KBTBD3: variants seen among roughly 807,000 people sequenced by gnomAD.
KBTBD3 encodes kelch repeat and BTB domain-containing protein 3.
A neutral mutation model predicts 49.6 loss-of-function variants in KBTBD3; 38 were observed. The observed-to-expected ratio is 0.77, with a 90% CI of 0.59 to 1.00. The LOEUF is 1.00. Ranked by LOEUF, KBTBD3 falls within the 50% of genes least tolerant of loss-of-function variation. The probability of loss-of-function intolerance (pLI) is 0.00; values close to 1 mark genes in which losing one functional copy is unlikely to be tolerated. For missense variants in KBTBD3, 661 were observed against 712.0 expected, an observed-to-expected ratio of 0.93 and a Z score of 0.81; for synonymous variants, 214 against 250.4, an observed-to-expected ratio of 0.85 and a Z score of 1.37.
chr11:106,062,386 T>C (rs915020643), intron 2 of KBTBD3, among the ~76,000 whole-genome samples: 1 of 152,114 alleles, frequency 6.6e-6, no homozygotes, highest in Non-Finnish European at 1.5e-5. Flanking sequence ...AGTCCCAAGA[T>C]CTACAACTAG....
At chr11:106,072,683 C>T (rs1860943247) in intron 2 of KBTBD3, among the ~76,000 whole-genome samples, 1 of 152,086 alleles carries the variant, frequency 6.6e-6, no homozygotes, top group Non-Finnish European at 1.5e-5. Flanking sequence ...AAAAGCAGAA[C>T]GTTAAACTAA....
chr11:106,052,160 G>C lies in KBTBD3; in HGVS notation c.*690C>G, dbSNP rs182746772. The C allele has an allele frequency of 1.3e-5, 2 of 151,640 alleles. No homozygotes were observed. Among genetic ancestry groups the C allele is most frequent in the East Asian group, 3.9e-4 (2 of 5,134 alleles). The allele number at this position is 151,640 out of a possible 1,614,324, so 9.4% of individuals were successfully genotyped here. ...ATGTTAATTTACTAAGATTGAACCA[G>C]AAAATGAGAGGGGGGGAGGAGAGAG... On this transcript the variant is annotated 3_prime_UTR_variant, in exon 4 of 4. Coordinates refer to ENST00000531837, the MANE Select transcript of KBTBD3 (RefSeq NM_198439.3).
intron 2 of KBTBD3, among the ~76,000 whole-genome samples, chr11:106,061,746 G>T (rs1243782858): frequency 2.0e-5 from 3 of 151,726 alleles, no homozygotes; most frequent in African/African-American, 4.8e-5. Context: ...ATAATCACAT[G>T]AGCTAATTCC....
Position 106,053,304 on chromosome 11 carries a change from T to G in KBTBD3, c.1385A>C (p.Glu462Ala). The G allele has an allele frequency of 1.2e-6, 2 of 1,613,516 alleles. No homozygotes were observed. The highest frequency in any genetic ancestry group is 1.7e-6 in the Non-Finnish European group (2 of 1,179,788). The change falls in exon 4 of 4, where the codon GAG becomes GCG. Residue 462 changes from glutamate to alanine, a missense_variant. Transcript: ENST00000531837. ...GTTAAAAGCATCTGTAATCTCTACCTCTGATCCAAGAACATAAATTACATT... is the reference window on the plus strand; with the variant it reads ...GTTAAAAGCATCTGTAATCTCTACCGCTGATCCAAGAACATAAATTACATT... The part of the protein sequence containing the change: ...CQNVIYVLGS[E>A]VEITDAFNPS...
At chr11:106,065,859 G>T (rs978937453) in intron 2 of KBTBD3, among the ~76,000 whole-genome samples, 3 of 151,386 alleles carry the variant, frequency 2.0e-5, no homozygotes, top group African/African-American at 7.3e-5. Flanking sequence ...TACTCAGGAG[G>T]CTCAGGCAGG....
At chr11:106,075,847 A>G (rs1157822606) in intron 2 of KBTBD3, among the ~76,000 whole-genome samples, 5 of 152,216 alleles carry the variant, frequency 3.3e-5, no homozygotes, top group Admixed American at 1.3e-4. Context: ...TAGACCAAGT[A>G]CAAATAATCC....
intron 2 of KBTBD3, among the ~76,000 whole-genome samples, chr11:106,060,032 G>C (rs187321842): frequency 1.8e-4 from 28 of 152,324 alleles, no homozygotes; most frequent in African/African-American, 6.7e-4. Context: ...GCAAATGGCA[G>C]CTGTGGCTGA....
In KBTBD3 at chr11:106,052,245, G is replaced by T. The variant is rs1036942109; in HGVS notation, c.*605C>A. The T allele has an allele frequency of 6.6e-6, 1 of 151,544 alleles. No homozygotes were observed. The highest frequency in any genetic ancestry group is 1.5e-5 in the Non-Finnish European group (1 of 67,814). 9.4% of individuals were successfully genotyped at this position (151,544 alleles called of 1,614,324 possible). ...TGAAAACTAATCAGCAATTTTTAAA[G>T]CATTTAAGTAACTGCTAATGGCATT... On this transcript the variant is annotated 3_prime_UTR_variant, in exon 4 of 4. Transcript: ENST00000531837.
chr11:106,056,060 G>T (rs1591533651), intron 3 of KBTBD3, among the ~76,000 whole-genome samples: 1 of 151,976 alleles, frequency 6.6e-6, no homozygotes, highest in Non-Finnish European at 1.5e-5. Flanking sequence ...AATAATTTTT[G>T]TTTTCCAAAA....
chr11:106,077,204 A>T (rs4440991), intron 1 of KBTBD3, 108 bp downstream of exon 1: 100,303 of 159,224 alleles, frequency 0.63, 35,952 homozygotes, highest in Non-Finnish European at 0.79. Context: ...TACACGAAGC[A>T]GCTGAAGCCA....
intron 2 of KBTBD3, among the ~76,000 whole-genome samples, chr11:106,065,297 C>T (rs1329233258): frequency 1.3e-5 from 2 of 152,182 alleles, no homozygotes; most frequent in South Asian, 2.1e-4. Flanking sequence ...TGAGCCACCG[C>T]GCCCGGCCTG....
chr11:106,056,001 T>C (rs1860545687), intron 3 of KBTBD3, among the ~76,000 whole-genome samples: 1 of 152,198 alleles, frequency 6.6e-6, no homozygotes, highest in Non-Finnish European at 1.5e-5. Context: ...GTATAAAACA[T>C]GTGTGATTCC....
At chr11:106,068,431 A>G (rs1860852654) in intron 2 of KBTBD3, among the ~76,000 whole-genome samples, 2 of 152,318 alleles carry the variant, frequency 1.3e-5, no homozygotes, top group South Asian at 4.1e-4. Flanking sequence ...GTAATTTAAA[A>G]CATACATTGA....
In KBTBD3 at chr11:106,053,717, C is replaced by T; in HGVS notation, c.972G>A (p.Leu324=). 1 of 1,613,546 alleles carries T rather than the reference C, an allele frequency of 6.2e-7. No homozygotes were observed. Among genetic ancestry groups the T allele is most frequent in the Non-Finnish European group, 8.5e-7 (1 of 1,179,860 alleles). Residue 324 remains leucine, a synonymous_variant, in exon 4 of 4, where the codon CTG becomes CTA. Coordinates refer to ENST00000531837, the MANE Select transcript of KBTBD3 (RefSeq NM_198439.3). Reference sequence around the variant, plus strand: ...GCAAATCAATCAGGTGTGATTGCGGCAGTATTTTCCATGAATCAGATTTAA... The same window carrying T: ...GCAAATCAATCAGGTGTGATTGCGGTAGTATTTTCCATGAATCAGATTTAA... ...YNIKSDSWKI[L]PQSHLIDLPG...
rs1053859157 is a variant in KBTBD3, at chr11:106,052,659, T to C, written c.*191A>G. 3 of 512,630 alleles carry C rather than the reference T, an allele frequency of 5.9e-6. No homozygotes were observed. Among genetic ancestry groups the C allele is most frequent in the African/African-American group, 3.9e-5 (2 of 51,702 alleles). 31.8% of individuals were successfully genotyped at this position (512,630 alleles called of 1,614,324 possible). On this transcript the variant is annotated 3_prime_UTR_variant, in exon 4 of 4. Transcript: ENST00000531837. Reference sequence around the variant, plus strand: ...TGGATTCCCCAAGGTTAAATTATATTCAGTATAATTTTTGGTAAAATATAT... The same window carrying C: ...TGGATTCCCCAAGGTTAAATTATATCCAGTATAATTTTTGGTAAAATATAT...
chr11:106,063,317 C>G (rs1860740596), intron 2 of KBTBD3, among the ~76,000 whole-genome samples: 1 of 152,238 alleles, frequency 6.6e-6, no homozygotes, highest in Non-Finnish European at 1.5e-5. Flanking sequence ...TACTTTGTTT[C>G]CATGTTCAAC....
chr11:106,062,325 G>A (rs1860718350), intron 2 of KBTBD3, among the ~76,000 whole-genome samples: 1 of 152,130 alleles, frequency 6.6e-6, no homozygotes. Context: ...AAGAGAGAGA[G>A]ACAGTGAAAG....
rs770761503 is a variant in KBTBD3 at position 106,053,533 on chromosome 11, C to T, written c.1156G>A (p.Val386Ile). The change falls in exon 4 of 4, where the codon GTA (valine) becomes ATA (isoleucine). Residue 386 changes from valine to isoleucine, a missense_variant. By Grantham distance (29) the Val-to-Ile change is conservative. Coordinates refer to ENST00000531837, the MANE Select transcript of KBTBD3 (RefSeq NM_198439.3). Reference protein sequence around the residue: ...YCPVKNDFFLVSTMKTPRTMH... With the variant: ...YCPVKNDFFLISTMKTPRTMH... ...GTTCTTGGTGTTTTCATAGTTGATA[C>T]CAAGAAGAAATCATTTTTCACTGGA... 61 of 1,613,552 alleles carry T rather than the reference C, an allele frequency of 3.8e-5. No individual in the cohort carries two copies. The highest frequency in any genetic ancestry group is 3.3e-4 in the Middle Eastern group (2 of 6,084).
At chr11:106,064,602 G>C (rs1048859942) in intron 2 of KBTBD3, among the ~76,000 whole-genome samples, 17 of 151,786 alleles carry the variant, frequency 1.1e-4, no homozygotes, top group Non-Finnish European at 4.4e-5. Context: ...ATGCAAAAGG[G>C]CACGCAAAGC....
Sources: allele counts gnomAD v4.1 joint callset (sites outside exome capture counted in the v4.1 genomes callset), GRCh38; gene constraint gnomAD v4.1.1; transcripts MANE v1.5; gene names NCBI Gene and HGNC (gene_info 2026-07-23, HGNC 2026-07-21).